Variants in PON1 observed in about 807,000 individuals in gnomAD.
PON1 encodes the protein paraoxonase 1, also known as serum paraoxonase/arylesterase 1.
In PON1, 37 loss-of-function variants were observed where a neutral mutation model predicts 39.2. That is an observed-to-expected ratio of 0.94 (90% CI 0.73 to 1.24). PON1 has a LOEUF of 1.24. Among genes scored for constraint, PON1 ranks in the 50% most tolerant of loss-of-function variants. The probability of loss-of-function intolerance (pLI) is 0.00; values close to 1 mark genes in which losing one functional copy is unlikely to be tolerated. For missense variants in PON1, 397 were observed against 413.5 expected (o/e 0.96, Z 0.35); for synonymous variants, 148 against 152.2 (o/e 0.97, Z 0.21).
At chr7:95,318,802 C>T (rs3917492) in intron 1 of PON1, among the ~76,000 whole-genome samples, 2 of 152,116 alleles carry the variant, frequency 1.3e-5, no homozygotes, top group South Asian at 2.1e-4. Flanking sequence ...AATCTGACTC[C>T]GCAGCCTGGA....
chr7:95,302,541 T>C, intron 7 of PON1: 3 of 560,168 alleles, frequency 5.4e-6, no homozygotes, highest in Middle Eastern at 4.8e-4. Context: ...CAGGGCAGAA[T>C]TGGGTAGGGT....
intron 8 of PON1, 80 bp from the exon 9 acceptor site, chr7:95,299,182 T>C: frequency 7.4e-7 from 1 of 1,354,650 alleles, no homozygotes; most frequent in Non-Finnish European, 1.1e-6. Flanking sequence ...TCATCCTCCA[T>C]AAGAAGCCAT....
chr7:95,313,329 T>C (rs913810645), intron 4 of PON1, among the ~76,000 whole-genome samples: 2 of 152,222 alleles, frequency 1.3e-5, no homozygotes, highest in African/African-American at 4.8e-5. Context: ...ACAACCTAAA[T>C]ATTTGTTAGC....
chr7:95,322,976 G>A lies in PON1; in HGVS notation c.74+1426C>T, dbSNP rs3917475. On this transcript the variant is annotated intron_variant, in intron 1 of 8. Coordinates refer to ENST00000222381, the MANE Select transcript of PON1 (RefSeq NM_000446.7). The stretch of plus-strand genomic sequence containing the variant: ...AAGAAAAAAGGATGCATCTATCCTG[G>A]GGATTTGGCTTGCTCCTGATGCAGG... 9.9e-3 allele frequency among the ~76,000 whole-genome samples: 1,509 copies of A among 152,280 alleles called. 25 individuals are homozygous for A. The highest frequency in any genetic ancestry group is 0.034 in the African/African-American group (1,420 of 41,556).
At position 95,318,350 on chromosome 7, in the gene PON1, G is replaced by C; in HGVS notation, c.118C>G (p.Pro40Ala). ...ALREVQPVEL[P>A]NCNLVKGIET... is the part of the protein sequence containing the mutation. ...ATTCCTTTAACTAAATTACAGTTAG[G>C]AAGTTCTACGGGTTGTACCTCTCGG... Residue 40 changes from proline (P) to alanine (A), a missense_variant, in exon 2 of 9, where the codon CCT becomes GCT. Transcript: ENST00000222381. The C allele has an allele frequency of 1.2e-6, 2 of 1,610,260 alleles. No homozygotes were observed. The highest frequency in any genetic ancestry group is 1.7e-6 in the Non-Finnish European group (2 of 1,176,598).
intron 4 of PON1, among the ~76,000 whole-genome samples, chr7:95,311,933 C>A (rs1164596017): frequency 6.6e-6 from 1 of 152,142 alleles, no homozygotes; most frequent in Non-Finnish European, 1.5e-5. Context: ...ATGGGAACTC[C>A]CAATATGAGA....
chr7:95,320,760 A>G (rs1188352862), intron 1 of PON1, among the ~76,000 whole-genome samples: 2 of 152,150 alleles, frequency 1.3e-5, no homozygotes, highest in Non-Finnish European at 2.9e-5. Flanking sequence ...CTCATTTTCA[A>G]TTTATTAGGA....
chr7:95,322,330 ATG>A (rs3046670), intron 1 of PON1, among the ~76,000 whole-genome samples: 12,205 of 124,760 alleles, frequency 0.098, 783 homozygotes, highest in African/African-American at 0.21. Context: ...AAATATATGT[ATG>A]TGTGTGTGTG....
intron 1 of PON1, among the ~76,000 whole-genome samples, chr7:95,322,391 C>T (rs1051317696): frequency 3.3e-5 from 5 of 150,146 alleles, no homozygotes; most frequent in African/African-American, 1.2e-4. Context: ...TTATTATCCC[C>T]TAATTTTCGG....
chr7:95,315,956 A>G (rs1807758935), intron 3 of PON1, among the ~76,000 whole-genome samples: 1 of 152,188 alleles, frequency 6.6e-6, no homozygotes, highest in Admixed American at 6.5e-5. Context: ...AAAACAATAA[A>G]GCTGTTGTTT....
intron 2 of PON1, among the ~76,000 whole-genome samples, chr7:95,317,589 A>G (rs899935379): frequency 6.5e-5 from 5 of 76,702 alleles, no homozygotes; most frequent in East Asian, 4.2e-4. Context: ...AAAAAAAAAA[A>G]AAAAGAAAGA....
Position 95,315,208 on chromosome 7 carries a change from A to G in PON1, c.370+114T>C. ...TAAGTTTAAAACCCAGAGTAAGAACATTATTCATGACTATGCTTTGTTTGA... is the reference window on the plus strand; with the variant it reads ...TAAGTTTAAAACCCAGAGTAAGAACGTTATTCATGACTATGCTTTGTTTGA... On this transcript the variant is annotated intron_variant, in intron 4 of 8. Coordinates refer to ENST00000222381, the MANE Select transcript of PON1 (RefSeq NM_000446.7). 1.3e-5 allele frequency: 13 copies of G among 987,158 alleles called. No individual in the cohort carries two copies. In the South Asian group the frequency reaches 1.9e-4, roughly 14 times the overall value. 61.1% of individuals were successfully genotyped at this position (987,158 alleles called of 1,614,324 possible).
At chr7:95,309,499 G>A (rs1413823028) in intron 5 of PON1, among the ~76,000 whole-genome samples, 1 of 152,034 alleles carries the variant, frequency 6.6e-6, no homozygotes, top group Non-Finnish European at 1.5e-5. Flanking sequence ...GCTTTTTATT[G>A]CTGAAAATTT....
At chr7:95,318,210 C>T in intron 2 of PON1, 113 bp downstream of exon 2, 1 of 854,092 alleles carries the variant, frequency 1.2e-6, no homozygotes. Context: ...ACCACTGACT[C>T]TCCTGATTCA....
Position 95,308,360 on chromosome 7 carries a change from A to T in PON1, c.498-149T>A. ...CTATAATGGAACACAATTAATATGA[A>T]ATTAGTCCTGCCGATACAATCCTTA... is the stretch of plus-strand genomic sequence containing the variant. On this transcript the variant is annotated intron_variant, in intron 5 of 8. Coordinates refer to ENST00000222381, the MANE Select transcript of PON1 (RefSeq NM_000446.7). The T allele has an allele frequency of 5.3e-6, 4 of 749,816 alleles. No homozygotes were observed. The South Asian group carries it at 6.2e-5, about 12-fold the overall frequency. 46.4% of individuals were successfully genotyped at this position (749,816 alleles called of 1,614,324 possible).
chr7:95,314,462 A>G (rs1807723253), intron 4 of PON1, among the ~76,000 whole-genome samples: 1 of 152,066 alleles, frequency 6.6e-6, no homozygotes, highest in African/African-American at 2.4e-5. Flanking sequence ...GTTAGTAGGA[A>G]CATCACTGAT....
intron 8 of PON1, among the ~76,000 whole-genome samples, chr7:95,299,376 T>G (rs1165444982): frequency 6.6e-6 from 1 of 152,018 alleles, no homozygotes; most frequent in Non-Finnish European, 1.5e-5. Context: ...TGTGGGACAT[T>G]AGGGAGCAGT....
intron 4 of PON1, 73 bp from the exon 5 acceptor site, chr7:95,311,650 T>C: frequency 2.0e-6 from 3 of 1,517,894 alleles, no homozygotes; most frequent in East Asian, 2.3e-5. Context: ...CAAAAACCAA[T>C]TTCAACCCAC....
chr7:95,306,183 A>C, intron 7 of PON1, 102 bp downstream of exon 7: 1 of 944,844 alleles, frequency 1.1e-6, no homozygotes, highest in Non-Finnish European at 1.7e-6. Flanking sequence ...ATTGGTTCTC[A>C]CCCACCCCAA....
Sources: gnomAD v4.1 joint callset for allele counts (sites outside exome capture counted in the v4.1 genomes callset) on GRCh38, gnomAD v4.1.1 for gene constraint, MANE v1.5 for transcripts, NCBI Gene and HGNC (gene_info 2026-07-23, HGNC 2026-07-21) for gene names.